The following MYOM2 variants were observed in gnomAD, a reference collection of about 807,000 sequenced individuals.
The protein encoded by MYOM2 is myomesin 2.
A neutral mutation model predicts 187.6 loss-of-function variants in MYOM2; 254 were observed. The ratio of observed to expected loss-of-function variants is 1.35; its 90% CI spans 1.22 to 1.50. MYOM2 has a LOEUF of 1.50. Ranked by LOEUF, MYOM2 falls within the 40% of genes most tolerant of loss-of-function variation. The pLI, the probability that MYOM2 is intolerant of heterozygous loss-of-function variation, is 0.00. For missense variants in MYOM2, 2,796 were observed against 1,924.0 expected, an observed-to-expected ratio of 1.45 and a Z score of -8.48; for synonymous variants, 981 against 753.8, an observed-to-expected ratio of 1.30 and a Z score of -4.94.
intron 21 of MYOM2, among the ~76,000 whole-genome samples, chr8:2,103,634 G>C (rs1289398329): frequency 2.0e-5 from 3 of 151,448 alleles, no homozygotes; most frequent in Non-Finnish European, 4.4e-5. Flanking sequence ...AAATGAGTGG[G>C]AGAGCGTGCA....
chr8:2,116,788 T>C (rs577377199), intron 27 of MYOM2, among the ~76,000 whole-genome samples: 18 of 152,324 alleles, frequency 1.2e-4, no homozygotes, highest in South Asian at 2.1e-4. Context: ...GATGGAGTCT[T>C]GCTCTGTTGC....
At chr8:2,120,673 TATTATATTATATATAAATATATA>T (rs1797404068) in intron 28 of MYOM2, among the ~76,000 whole-genome samples, 1 of 20,080 alleles carries the variant, frequency 5.0e-5, no homozygotes, top group African/African-American at 1.7e-4. Context: ...TATATATATA[TATTATATTATATATAAATATATA>T]ATATATATAT....
At chr8:2,093,321 C>T (rs148795891) in intron 16 of MYOM2, among the ~76,000 whole-genome samples, 151 of 152,210 alleles carry the variant, frequency 9.9e-4, no homozygotes, top group African/African-American at 2.8e-3. Context: ...GATTCCAGTA[C>T]AGGGAAATGG....
chr8:2,111,362 T>G (rs1226886371), intron 25 of MYOM2, among the ~76,000 whole-genome samples: 1 of 152,210 alleles, frequency 6.6e-6, no homozygotes. Context: ...GCCTAATTAT[T>G]TTGTAAAACC....
At position 2,116,218 on chromosome 8, in the gene MYOM2, T is replaced by C; in HGVS notation, c.3328T>C (p.Phe1110Leu). 1 of 1,609,134 alleles carries C rather than the reference T, an allele frequency of 6.2e-7. No individual in the cohort carries two copies. Among genetic ancestry groups the C allele is most frequent in the Non-Finnish European group, 8.5e-7 (1 of 1,177,842 alleles). The change falls in exon 27 of 37, where the codon TTC becomes CTC. Residue 1110 changes from phenylalanine (F) to leucine (L), a missense_variant and splice_region_variant. Physicochemically the swap from Phe to Leu is conservative, Grantham distance 22. Coordinates refer to ENST00000262113, the MANE Select transcript of MYOM2 (RefSeq NM_003970.4). The stretch of plus-strand genomic sequence containing the variant: ...ATTTTTTTAAATATTGAATTTAGCA[T>C]TCAAGACTGTGCTGGAAGAGGCTGA... ...QSSLVLIGDAFKTVLEEAEFQ... is the reference protein window; with the variant it reads ...QSSLVLIGDALKTVLEEAEFQ...
At chr8:2,076,451 A>G in intron 11 of MYOM2, 169 bp downstream of exon 11, 6 of 857,262 alleles carry the variant, frequency 7.0e-6, no homozygotes, top group Non-Finnish European at 8.6e-6. Context: ...ATTGGTAAAT[A>G]CGGCCAAGTA....
chr8:2,083,862 C>T (rs964588739), intron 13 of MYOM2, among the ~76,000 whole-genome samples: 1 of 152,224 alleles, frequency 6.6e-6, no homozygotes, highest in Admixed American at 6.5e-5. Flanking sequence ...TCTTCCTTCT[C>T]ACCTTGTCAT....
chr8:2,051,011 G>A (rs1013235740), intron 2 of MYOM2, 138 bp downstream of exon 2: 106 of 661,650 alleles, frequency 1.6e-4, no homozygotes, highest in African/African-American at 1.4e-3. Context: ...AGCCTCTCCC[G>A]TGCCCAGGTC....
intron 17 of MYOM2, 122 bp from the exon 18 acceptor site, chr8:2,096,125 A>G (rs1234875317): frequency 1.2e-6 from 1 of 858,322 alleles, no homozygotes; most frequent in Non-Finnish European, 1.8e-6. Flanking sequence ...ATCAGAGGGC[A>G]CAGTGTTCAG....
intron 2 of MYOM2, 135 bp from the exon 3 acceptor site, chr8:2,052,023 G>C: frequency 9.6e-7 from 1 of 1,042,272 alleles, no homozygotes; most frequent in Non-Finnish European, 1.4e-6. Context: ...TCATATGCCT[G>C]TGCATGTGTG....
intron 32 of MYOM2, among the ~76,000 whole-genome samples, chr8:2,133,450 C>G (rs1420980956): frequency 6.6e-6 from 1 of 152,142 alleles, no homozygotes; most frequent in Non-Finnish European, 1.5e-5. Context: ...CGGCTCTGTT[C>G]TTGTGCTTCC....
At chr8:2,118,656 G>T (rs1797326278) in intron 28 of MYOM2, among the ~76,000 whole-genome samples, 1 of 152,198 alleles carries the variant, frequency 6.6e-6, no homozygotes, top group Admixed American at 6.5e-5. Flanking sequence ...GAGGGACAGA[G>T]AAGCTGAACT....
chr8:2,117,912 G>A lies in MYOM2; in HGVS notation c.3413G>A (p.Trp1138Ter). 1.2e-6 allele frequency: 2 copies of A among 1,612,672 alleles called. No homozygotes were observed. Among genetic ancestry groups the A allele is most frequent in the Non-Finnish European group, 1.7e-6 (2 of 1,179,286 alleles). Residue 1138 changes from tryptophan (W) to a stop codon, truncating the protein, a stop_gained, in exon 28 of 37, where the codon TGG (tryptophan) becomes TAG (stop). Transcript: ENST00000262113. LOFTEE classifies it high-confidence loss of function. ...QGPHFAEYLH[W>*]DVTEECEVRL... is the part of the protein sequence containing the mutation. ...CCTCATTTTGCTGAGTACTTGCACT[G>A]GGATGTCACGGAAGAATGTGAAGTT...
intron 6 of MYOM2, among the ~76,000 whole-genome samples, chr8:2,063,137 A>G (rs980718538): frequency 3.9e-5 from 6 of 152,226 alleles, no homozygotes; most frequent in Admixed American, 6.5e-5. Context: ...AGCTCCAAAC[A>G]GATGAAATGT....
At chr8:2,106,667 G>A (rs1796905157) in intron 23 of MYOM2, 70 bp downstream of exon 23, 8 of 1,144,514 alleles carry the variant, frequency 7.0e-6, no homozygotes, top group South Asian at 2.9e-5. Context: ...CACCAACATA[G>A]AAAAGACTTA....
intron 21 of MYOM2, among the ~76,000 whole-genome samples, chr8:2,105,883 T>G (rs1025055341): frequency 6.6e-6 from 1 of 152,164 alleles, no homozygotes; most frequent in African/African-American, 2.4e-5. Flanking sequence ...GGGTGACTTA[T>G]AAAGAAAAGA....
At chr8:2,085,572 ACTGTTGTGATCTCTGCGTGGCCC>A (rs1819828882) in intron 14 of MYOM2, among the ~76,000 whole-genome samples, 182 bp downstream of exon 14, 1 of 15,910 alleles carries the variant, frequency 6.3e-5, no homozygotes, top group Admixed American at 8.3e-4. Flanking sequence ...GCGTGGCCCC[ACTGTTGTGATCTCTGCGTGGCCC>A]CACTGTCGTG....
At chr8:2,071,291 G>A (rs1341012211) in intron 8 of MYOM2, among the ~76,000 whole-genome samples, 3 of 152,028 alleles carry the variant, frequency 2.0e-5, no homozygotes, top group East Asian at 3.8e-4. Flanking sequence ...CACTGTACCC[G>A]GCCTGCAGCT....
chr8:2,120,245 T>A (rs7843362), intron 28 of MYOM2, among the ~76,000 whole-genome samples: 1 of 151,786 alleles, frequency 6.6e-6, no homozygotes, highest in Admixed American at 6.6e-5. Context: ...AATAGGAACT[T>A]TGGGTCTTGT....
Sources: allele counts gnomAD v4.1 joint callset (sites outside exome capture counted in the v4.1 genomes callset), GRCh38; gene constraint gnomAD v4.1.1; transcripts MANE v1.5; gene names NCBI Gene and HGNC (gene_info 2026-07-23, HGNC 2026-07-21).